Variants in LPP observed in about 807,000 individuals in gnomAD.
LPP encodes LIM domain containing preferred translocation partner in lipoma, also known as lipoma-preferred partner.
LPP carries 38 observed loss-of-function variants against 60.4 expected under a neutral mutation model. That is an observed-to-expected ratio of 0.63 (90% CI 0.49 to 0.83). The LOEUF (loss-of-function observed/expected upper bound fraction) is 0.83. Among genes scored for constraint, LPP ranks in the 40% least tolerant of loss-of-function variants. The pLI is 0.00. For missense variants in LPP, 902 were observed against 783.6 expected, an observed-to-expected ratio of 1.15 and a Z score of -1.80; for synonymous variants, 328 against 290.8, an observed-to-expected ratio of 1.13 and a Z score of -1.30.
At chr3:188,513,242 G>A (rs1460528831) in intron 5 of LPP, among the ~76,000 whole-genome samples, 3 of 152,200 alleles carry the variant, frequency 2.0e-5, no homozygotes, top group East Asian at 3.8e-4. Context: ...TTTAGAGTTT[G>A]CTAAACTGTG....
At chr3:188,253,621 A>C (rs1370820109) in intron 2 of LPP, among the ~76,000 whole-genome samples, 1 of 152,238 alleles carries the variant, frequency 6.6e-6, no homozygotes, top group East Asian at 1.9e-4. Flanking sequence ...GGTCCCAGGT[A>C]GATAATGACT....
At chr3:188,361,589 C>T (rs1769413015) in intron 3 of LPP, among the ~76,000 whole-genome samples, 1 of 133,410 alleles carries the variant, frequency 7.5e-6, no homozygotes, top group African/African-American at 2.9e-5. Flanking sequence ...TTTTCCTTTC[C>T]TTTCTCTCGC....
Position 188,609,334 on chromosome 3 carries a change from C to A in LPP, c.603C>A (p.Pro201=). 1 of 1,614,108 alleles carries A rather than the reference C, an allele frequency of 6.2e-7. No individual in the cohort carries two copies. The highest frequency in any genetic ancestry group is 8.5e-7 in the Non-Finnish European group (1 of 1,180,024). The change falls in exon 7 of 12, where the codon CCC becomes CCA. Residue 201 remains proline (P), a synonymous_variant. Coordinates refer to ENST00000617246, the MANE Select transcript of LPP (RefSeq NM_001375462.1). This position sits in a 1 kb window ranked among gnomAD's most constrained non-coding sequence, Gnocchi z 6.9. ...TGGCTCCAATCGGAACACTCAAACC[C>A]CAGCCTCAGCCAGTCCCAGCCTCCT... ...IPVAPIGTLK[P]QPQPVPASYT... is the part of the protein sequence containing the mutation.
At chr3:188,362,050 G>T (rs538399053) in intron 3 of LPP, among the ~76,000 whole-genome samples, 68 of 152,270 alleles carry the variant, frequency 4.5e-4, no homozygotes, top group Admixed American at 8.5e-4. Context: ...TGTACAGTGC[G>T]ACAAAGGAGA....
At chr3:188,470,423 T>G (rs112021436) in intron 4 of LPP, among the ~76,000 whole-genome samples, 3 of 149,986 alleles carry the variant, frequency 2.0e-5, no homozygotes, top group African/African-American at 7.3e-5. Flanking sequence ...ATGGGTGTAG[T>G]TGTCAAAAAT....
At chr3:188,607,430 T>C (rs1237184065) in intron 6 of LPP, among the ~76,000 whole-genome samples, 8 of 131,702 alleles carry the variant, frequency 6.1e-5, no homozygotes, top group Non-Finnish European at 1.3e-4. Context: ...TTTTTTTTCC[T>C]TTGCAGTTTT....
intron 7 of LPP, among the ~76,000 whole-genome samples, chr3:188,627,950 T>C (rs1847163435): frequency 6.6e-6 from 1 of 151,964 alleles, no homozygotes; most frequent in African/African-American, 2.4e-5. Context: ...TATAAATCAA[T>C]ACTAAGATCT....
At chr3:188,853,695 T>G (rs772584229) in intron 9 of LPP, among the ~76,000 whole-genome samples, 101 of 152,228 alleles carry the variant, frequency 6.6e-4, no homozygotes, top group Non-Finnish European at 1.1e-3. Flanking sequence ...GCATATAAAC[T>G]GATCGTCTTT....
At chr3:188,579,011 G>T (rs768664555) in intron 6 of LPP, among the ~76,000 whole-genome samples, 1 of 152,064 alleles carries the variant, frequency 6.6e-6, no homozygotes, top group African/African-American at 2.4e-5. Context: ...CCTGTGCCTG[G>T]TAGTCATTGA....
intron 4 of LPP, among the ~76,000 whole-genome samples, chr3:188,463,927 C>T (rs1799743319): frequency 6.6e-6 from 1 of 152,186 alleles, no homozygotes; most frequent in African/African-American, 2.4e-5. Context: ...TTCTATGTTG[C>T]TTTTTACCTT....
intron 8 of LPP, among the ~76,000 whole-genome samples, chr3:188,753,237 G>C (rs2150347214): frequency 6.6e-6 from 1 of 152,286 alleles, no homozygotes; most frequent in Non-Finnish European, 1.5e-5. Context: ...AAATGTATGT[G>C]AAATGCTTAG....
chr3:188,217,901 A>G lies in LPP; in HGVS notation c.-189-7504A>G, dbSNP rs1299881470. Among the ~76,000 whole-genome samples, 5 of 152,178 alleles carry G rather than the reference A, an allele frequency of 3.3e-5. No homozygotes were observed. The highest frequency in any genetic ancestry group is 7.4e-5 in the Non-Finnish European group (5 of 68,022). On this transcript the variant is annotated intron_variant, in intron 1 of 11. Coordinates refer to ENST00000617246, the MANE Select transcript of LPP (RefSeq NM_001375462.1). The surrounding 1 kb of genome is among the most constrained non-coding windows in gnomAD (Gnocchi z 4.0). ...GAGAGCTGTTGGAACGCCCCAAAAT[A>G]AGCCCTGCAGAACGTGCAGCTTCCT...
chr3:188,243,588 A>G (rs1448407179), intron 2 of LPP, among the ~76,000 whole-genome samples: 2 of 152,124 alleles, frequency 1.3e-5, no homozygotes, highest in Non-Finnish European at 2.9e-5. Context: ...ACACAGGCTA[A>G]TTGATGTTAT....
chr3:188,463,942 T>C (rs1466723827), intron 4 of LPP, among the ~76,000 whole-genome samples: 3 of 152,204 alleles, frequency 2.0e-5, no homozygotes, highest in African/African-American at 7.2e-5. Flanking sequence ...TACCTTGCAT[T>C]ATACCAATTC....
In LPP at chr3:188,798,299, A is replaced by T. The variant is rs577223845; in HGVS notation, c.1410+38017A>T. On this transcript the variant is annotated intron_variant, in intron 9 of 11. Coordinates refer to ENST00000617246, the MANE Select transcript of LPP (RefSeq NM_001375462.1). ...AGATATAAGGGGATCTCAGACTTCA[A>T]CTCAGGCAGTCAGGCAGGGCCTATA... 4.8e-4 allele frequency among the ~76,000 whole-genome samples: 73 copies of T among 152,290 alleles called. 1 individual carries two copies. The highest frequency in any genetic ancestry group is 1.8e-3 in the African/African-American group (73 of 41,550).
intron 2 of LPP, among the ~76,000 whole-genome samples, chr3:188,269,930 G>A (rs1366371088): frequency 1.3e-5 from 2 of 152,120 alleles, no homozygotes; most frequent in African/African-American, 4.8e-5. Context: ...TTACAGGTGG[G>A]AGCCACTACA....
In LPP at chr3:188,881,826, A is replaced by G. The variant is rs1438720611; in HGVS notation, c.*7347A>G. The stretch of plus-strand genomic sequence containing the variant: ...TAAATATTAACACTTTATAGGTTCT[A>G]CTTTAATATATGGACACTTTACAGG... On this transcript the variant is annotated 3_prime_UTR_variant, in exon 12 of 12. Transcript: ENST00000617246. The G allele has an allele frequency of 4.6e-6, 1 of 215,840 alleles. No homozygotes were observed. Among genetic ancestry groups the G allele is most frequent in the Non-Finnish European group, 9.3e-6 (1 of 107,168 alleles). The allele number at this position is 215,840 out of a possible 1,614,324, so 13.4% of individuals were successfully genotyped here.
intron 8 of LPP, among the ~76,000 whole-genome samples, chr3:188,726,325 TGGG>T (rs1364388848): frequency 6.6e-6 from 1 of 152,002 alleles, no homozygotes; most frequent in Non-Finnish European, 1.5e-5. Flanking sequence ...GCCTCTATCT[TGGG>T]TGGGTAATGA....
At chr3:188,235,623 A>T (rs1313777474) in intron 2 of LPP, among the ~76,000 whole-genome samples, 1 of 152,204 alleles carries the variant, frequency 6.6e-6, no homozygotes, top group African/African-American at 2.4e-5. Context: ...GTGCTGACTT[A>T]CCTTGGGCAA....
Sources: gnomAD v4.1 joint callset for allele counts (sites outside exome capture counted in the v4.1 genomes callset) on GRCh38, gnomAD v4.1.1 for gene constraint, Gnocchi (gnomAD v3.1) non-coding constraint, MANE v1.5 for transcripts, NCBI Gene and HGNC (gene_info 2026-07-23, HGNC 2026-07-21) for gene names.